The following EIF2AK2 variants were observed in gnomAD, a reference collection of about 807,000 sequenced individuals.
The protein encoded by EIF2AK2 is interferon-induced, double-stranded RNA-activated protein kinase.
Under a neutral mutation model 70.5 loss-of-function variants are expected in EIF2AK2, and 40 were observed. The ratio of observed to expected loss-of-function variants is 0.57; its 90% CI spans 0.44 to 0.74. The LOEUF (loss-of-function observed/expected upper bound fraction) is 0.74. Among genes scored for constraint, EIF2AK2 ranks in the 30% least tolerant of loss-of-function variants. The pLI, the probability that EIF2AK2 is intolerant of heterozygous loss-of-function variation, is 0.00. For synonymous variants in EIF2AK2, 198 were observed against 220.9 expected (o/e 0.90, Z 0.92); for missense variants, 555 against 644.3 (o/e 0.86, Z 1.50).
chr2:37,140,352 A>T (rs4648184), intron 5 of EIF2AK2, among the ~76,000 whole-genome samples: 11,534 of 152,302 alleles, frequency 0.076, 826 homozygotes, highest in African/African-American at 0.19. Context: ...AGGCAAGGAT[A>T]CTTGGACAAT....
chr2:37,134,102 G>A (rs1221887017), intron 10 of EIF2AK2, among the ~76,000 whole-genome samples: 1 of 152,038 alleles, frequency 6.6e-6, no homozygotes, highest in Non-Finnish European at 1.5e-5. Context: ...ACCCCTTCAT[G>A]ACCTTTTAAC....
In EIF2AK2 at chr2:37,101,576, T is replaced by C. The variant is rs549749227; in HGVS notation, c.*5697A>G. The C allele has an allele frequency of 2.0e-5, 3 of 152,302 alleles. No homozygotes were observed. The highest frequency in any genetic ancestry group is 3.9e-4 in the East Asian group (2 of 5,192). 9.4% of individuals were successfully genotyped at this position (152,302 alleles called of 1,614,324 possible). A position where few individuals can be genotyped will look rare whatever the true frequency, so the allele number is the denominator to read the frequency against. On this transcript the variant is annotated 3_prime_UTR_variant, in exon 17 of 17. Transcript: ENST00000233057. Reference sequence around the variant, plus strand: ...GTATAGCATCACCTATGGAGTATTCTTGGGGGAAAATAAATGAACCAGGAT... The same window carrying C: ...GTATAGCATCACCTATGGAGTATTCCTGGGGGAAAATAAATGAACCAGGAT...
intron 10 of EIF2AK2, among the ~76,000 whole-genome samples, chr2:37,130,624 A>G (rs949898651): frequency 1.3e-5 from 2 of 152,150 alleles, no homozygotes; most frequent in Non-Finnish European, 2.9e-5. Context: ...CTTTTATATT[A>G]TCCCTCTATC....
At chr2:37,154,097 C>T (rs868476726) in intron 1 of EIF2AK2, among the ~76,000 whole-genome samples, 8 of 152,064 alleles carry the variant, frequency 5.3e-5, no homozygotes, top group African/African-American at 1.4e-4. Flanking sequence ...GAGGCCAAGG[C>T]GGGCAGATCA....
intron 6 of EIF2AK2, among the ~76,000 whole-genome samples, chr2:37,138,962 A>ATTTT (rs536992086): frequency 1.5e-4 from 21 of 140,804 alleles, no homozygotes; most frequent in African/African-American, 3.7e-4. Context: ...CACCCGTCTA[A>ATTTT]TTTTTTTTTT....
rs377628551 is a variant in EIF2AK2 at position 37,109,185 on chromosome 2, T to C, written c.1479+9A>G. On this transcript the variant is annotated intron_variant, in intron 15 of 16. Coordinates refer to ENST00000233057, the MANE Select transcript of EIF2AK2 (RefSeq NM_001135651.3). ...TTCTTGTTTAATTCTTTCTTTGAGA[T>C]AATTTTACCTTTGATGTTTCAAAAG... The C allele has an allele frequency of 1.2e-6, 2 of 1,613,148 alleles. No homozygotes were observed. The highest frequency in any genetic ancestry group is 2.7e-5 in the African/African-American group (2 of 74,888).
rs996367937 is a variant in EIF2AK2 at position 37,101,294 on chromosome 2, G to T, written c.*5979C>A. The T allele has an allele frequency of 6.6e-6, 1 of 152,302 alleles. No individual in the cohort carries two copies. Among genetic ancestry groups the T allele is most frequent in the East Asian group, 1.9e-4 (1 of 5,190 alleles). 9.4% of individuals were successfully genotyped at this position (152,302 alleles called of 1,614,324 possible). A position where few individuals can be genotyped will look rare whatever the true frequency, so the allele number is the denominator to read the frequency against. On this transcript the variant is annotated 3_prime_UTR_variant, in exon 17 of 17. Transcript: ENST00000233057. The stretch of plus-strand genomic sequence containing the variant: ...CGCATCTTTCCCATTCAGATTTAGA[G>T]AAAGTTCCTTAAAGAAGAATCATAG...
Position 37,101,172 on chromosome 2 carries a change from A to G in EIF2AK2, c.*6101T>C, listed in dbSNP as rs1673818757. On this transcript the variant is annotated 3_prime_UTR_variant, in exon 17 of 17. Transcript: ENST00000233057. ...ATTCTAAACATGCTAGTTTCAAAGT[A>G]TTGGTTGGGCCATACCTTGCTTTAA... 6.6e-6 allele frequency: 1 copy of G among 152,208 alleles called. No individual in the cohort carries two copies. Among genetic ancestry groups the G allele is most frequent in the Non-Finnish European group, 1.5e-5 (1 of 68,046 alleles). 9.4% of individuals were successfully genotyped at this position (152,208 alleles called of 1,614,324 possible).
At chr2:37,112,621 T>C (rs1674198534) in intron 14 of EIF2AK2, among the ~76,000 whole-genome samples, 2 of 152,130 alleles carry the variant, frequency 1.3e-5, no homozygotes, top group African/African-American at 2.4e-5. Context: ...TAGTTTATAA[T>C]GCTACAATAA....
intron 10 of EIF2AK2, among the ~76,000 whole-genome samples, chr2:37,130,519 T>C (rs770655010): frequency 1.3e-5 from 2 of 152,246 alleles, no homozygotes; most frequent in Non-Finnish European, 2.9e-5. Flanking sequence ...ACTCCACTAC[T>C]GTTCTGTTTG....
intron 1 of EIF2AK2, among the ~76,000 whole-genome samples, chr2:37,152,353 C>T (rs969186726): frequency 2.6e-5 from 4 of 152,130 alleles, no homozygotes; most frequent in African/African-American, 9.7e-5. Context: ...ATGATCTCAG[C>T]TCACTGCAGC....
chr2:37,146,812 T>C, intron 4 of EIF2AK2, 41 bp downstream of exon 4: 7 of 1,562,986 alleles, frequency 4.5e-6, no homozygotes, highest in Non-Finnish European at 6.0e-6. Flanking sequence ...GAAAATGTAT[T>C]TGCAAGTTCC....
chr2:37,130,621 A>G (rs917055516), intron 10 of EIF2AK2, among the ~76,000 whole-genome samples: 6 of 152,116 alleles, frequency 3.9e-5, no homozygotes, highest in Non-Finnish European at 5.9e-5. Flanking sequence ...TGCCTTTTAT[A>G]TTATCCCTCT....
At chr2:37,107,887 T>C (rs1398353706) in intron 15 of EIF2AK2, among the ~76,000 whole-genome samples, 2 of 152,132 alleles carry the variant, frequency 1.3e-5, no homozygotes, top group East Asian at 3.8e-4. Context: ...GGCTCACACC[T>C]GTAATCCCAA....
At chr2:37,154,936 T>C (rs1573047877) in intron 1 of EIF2AK2, among the ~76,000 whole-genome samples, 1 of 90,014 alleles carries the variant, frequency 1.1e-5, no homozygotes, top group Middle Eastern at 6.3e-3. Flanking sequence ...TCTTTTCTTC[T>C]ATTTTTTTTT....
chr2:37,109,141 A>G, intron 15 of EIF2AK2, 53 bp downstream of exon 15: 1 of 1,535,400 alleles, frequency 6.5e-7, no homozygotes, highest in Non-Finnish European at 9.0e-7. Context: ...AGCACTCTGA[A>G]GGTGGTAGTC....
At chr2:37,126,152 C>A in intron 11 of EIF2AK2, 137 bp downstream of exon 11, 1 of 1,211,442 alleles carries the variant, frequency 8.3e-7, no homozygotes, top group African/African-American at 1.5e-5. Context: ...CCAAACTCCT[C>A]TTGGTAGAAT....
chr2:37,139,535 C>T, intron 6 of EIF2AK2, 96 bp downstream of exon 6: 2 of 1,499,964 alleles, frequency 1.3e-6, no homozygotes, highest in Non-Finnish European at 1.8e-6. Flanking sequence ...TGCTAAATCA[C>T]TGGCTGTCTT....
intron 1 of EIF2AK2, among the ~76,000 whole-genome samples, chr2:37,150,728 T>C (rs1268424793): frequency 6.6e-6 from 1 of 152,176 alleles, no homozygotes; most frequent in Non-Finnish European, 1.5e-5. Context: ...CCACGTATTC[T>C]TCAAATAAAA....
Sources: allele counts gnomAD v4.1 joint callset (sites outside exome capture counted in the v4.1 genomes callset), GRCh38; gene constraint gnomAD v4.1.1; transcripts MANE v1.5; gene names NCBI Gene and HGNC (gene_info 2026-07-23, HGNC 2026-07-21).